BMPR1A: variants seen among roughly 807,000 people sequenced by gnomAD.
BMPR1A encodes bone morphogenetic protein receptor type 1A, also known as bone morphogenetic protein receptor type-1A.
Under a neutral mutation model 66.0 loss-of-function variants are expected in BMPR1A, and 7 were observed. The observed-to-expected ratio is 0.11, with a 90% CI of 0.06 to 0.20. BMPR1A has a LOEUF of 0.20. Ranked by LOEUF, BMPR1A falls within the 10% of genes least tolerant of loss-of-function variation. BMPR1A has a pLI of 1.00. For synonymous variants in BMPR1A, 200 were observed against 229.7 expected, an observed-to-expected ratio of 0.87 and a Z score of 1.17; for missense variants, 408 against 669.1, an observed-to-expected ratio of 0.61 and a Z score of 4.31.
At chr10:86,835,102 G>C (rs923613611) in intron 1 of BMPR1A, among the ~76,000 whole-genome samples, 2 of 152,054 alleles carry the variant, frequency 1.3e-5, no homozygotes, top group East Asian at 3.9e-4. Context: ...TTTGGCTTAG[G>C]GCATGGCCGT....
intron 11 of BMPR1A, among the ~76,000 whole-genome samples, chr10:86,922,954 G>A (rs1396319051): frequency 2.0e-5 from 3 of 152,272 alleles, no homozygotes; most frequent in Non-Finnish European, 2.9e-5. Context: ...TTTCCTAAGG[G>A]AAGGTCTCAG....
At chr10:86,824,146 A>G (rs1039546542) in intron 1 of BMPR1A, among the ~76,000 whole-genome samples, 15 of 106,430 alleles carry the variant, frequency 1.4e-4, no homozygotes, top group African/African-American at 3.5e-4. Flanking sequence ...CGATAATAGA[A>G]TATCTCTGAA....
In BMPR1A at chr10:86,923,960, T is replaced by G. The variant is rs1843706450; in HGVS notation, c.*241T>G. On this transcript the variant is annotated 3_prime_UTR_variant, in exon 13 of 13. Coordinates refer to ENST00000372037, the MANE Select transcript of BMPR1A (RefSeq NM_004329.3). ...TTTTAAATGTGGTTTTTGATGCCTT[T>G]TTTTAAGTGGGTTTTTATGAACTGC... The G allele has an allele frequency of 1.9e-6, 1 of 530,730 alleles. No individual in the cohort carries two copies. The highest frequency in any genetic ancestry group is 1.9e-5 in the African/African-American group (1 of 52,778). 32.9% of individuals were successfully genotyped at this position (530,730 alleles called of 1,614,324 possible). A position where few individuals can be genotyped will look rare whatever the true frequency, so the allele number is the denominator to read the frequency against.
intron 1 of BMPR1A, among the ~76,000 whole-genome samples, chr10:86,757,857 C>T (rs971359404): frequency 3.9e-5 from 6 of 152,194 alleles, no homozygotes; most frequent in African/African-American, 1.4e-4. Flanking sequence ...ACATCGTATT[C>T]TGGCAAACGA....
At chr10:86,888,579 C>A (rs1843101929) in intron 3 of BMPR1A, among the ~76,000 whole-genome samples, 1 of 152,112 alleles carries the variant, frequency 6.6e-6, no homozygotes, top group African/African-American at 2.4e-5. Flanking sequence ...ATATTCCCAG[C>A]ACTTCGGGAG....
intron 1 of BMPR1A, among the ~76,000 whole-genome samples, chr10:86,804,790 G>GTT (rs1491151530): frequency 8.2e-5 from 8 of 97,538 alleles, no homozygotes; most frequent in Middle Eastern, 5.4e-3. Context: ...ATGTTTGTAG[G>GTT]TGTTTTTTTT....
At chr10:86,918,594 A>G (rs981789794) in intron 9 of BMPR1A, among the ~76,000 whole-genome samples, 1 of 151,270 alleles carries the variant, frequency 6.6e-6, no homozygotes, top group Non-Finnish European at 1.5e-5. Flanking sequence ...TTTGTATAAT[A>G]TGTCATCTTT....
At chr10:86,882,085 GGGGAGGGAGT>G (rs1842994945) in intron 3 of BMPR1A, among the ~76,000 whole-genome samples, 1 of 152,020 alleles carries the variant, frequency 6.6e-6, no homozygotes, top group South Asian at 2.1e-4. Flanking sequence ...TATATGAAAG[GGGGAGGGAGT>G]GAAACAAGAA....
chr10:86,763,160 C>G (rs1841098717), intron 1 of BMPR1A, among the ~76,000 whole-genome samples: 1 of 152,122 alleles, frequency 6.6e-6, no homozygotes, highest in Non-Finnish European at 1.5e-5. Context: ...TCCCAAAGTG[C>G]TGGGATTACA....
intron 2 of BMPR1A, among the ~76,000 whole-genome samples, chr10:86,869,663 G>A (rs936778908): frequency 1.1e-4 from 17 of 151,836 alleles, no homozygotes; most frequent in Admixed American, 9.8e-4. Context: ...ATGCTGAGGC[G>A]GGAGAATCGC....
At chr10:86,774,595 G>A (rs1339869811) in intron 1 of BMPR1A, among the ~76,000 whole-genome samples, 3 of 152,138 alleles carry the variant, frequency 2.0e-5, no homozygotes, top group African/African-American at 7.2e-5. Flanking sequence ...TTTGAAGCTG[G>A]CCATAACCCT....
rs1279422576 is a variant in BMPR1A at position 86,816,916 on chromosome 10, T to C, written c.-267-21949T>C. On this transcript the variant is annotated intron_variant, in intron 1 of 12. Coordinates refer to ENST00000372037, the MANE Select transcript of BMPR1A (RefSeq NM_004329.3). ...AGGAATTAACTTGTTAAGGGAAAGATAATAATAATATGAGTCTATGTGCAT... is the reference window on the plus strand; with the variant it reads ...AGGAATTAACTTGTTAAGGGAAAGACAATAATAATATGAGTCTATGTGCAT... Among the ~76,000 whole-genome samples, 5 of 152,302 alleles carry C rather than the reference T, an allele frequency of 3.3e-5. No homozygotes were observed. In the East Asian group the frequency reaches 9.6e-4, roughly 29 times the overall value.
chr10:86,915,590 G>A (rs1387618409), intron 8 of BMPR1A, among the ~76,000 whole-genome samples: 5 of 152,082 alleles, frequency 3.3e-5, no homozygotes, highest in Non-Finnish European at 5.9e-5. Context: ...TTAGCTGGAC[G>A]TGGTGGCAGA....
chr10:86,887,726 A>G lies in BMPR1A; in HGVS notation c.68-2336A>G, dbSNP rs116863757. 3.2e-3 allele frequency among the ~76,000 whole-genome samples: 483 copies of G among 152,274 alleles called. 1 individual carries two copies. Among genetic ancestry groups the G allele is most frequent in the Admixed American group, 5.2e-3 (80 of 15,302 alleles). ...AAAATCAGTTGCTGTGATATATTAT[A>G]TACTGTTTGTTTTCCAGAGCTGAAT... On this transcript the variant is annotated intron_variant, in intron 3 of 12. Coordinates refer to ENST00000372037, the MANE Select transcript of BMPR1A (RefSeq NM_004329.3).
At chr10:86,897,124 T>C (rs1325983683) in intron 5 of BMPR1A, among the ~76,000 whole-genome samples, 1 of 152,240 alleles carries the variant, frequency 6.6e-6, no homozygotes, top group Non-Finnish European at 1.5e-5. Flanking sequence ...TGCCATTCCT[T>C]GTAACTTGGC....
chr10:86,864,212 A>G (rs1359858886), intron 2 of BMPR1A, among the ~76,000 whole-genome samples: 1 of 152,216 alleles, frequency 6.6e-6, no homozygotes, highest in African/African-American at 2.4e-5. Flanking sequence ...AGACAGGCAC[A>G]TGCACACTAG....
At chr10:86,761,308 C>G (rs765504827) in intron 1 of BMPR1A, among the ~76,000 whole-genome samples, 1 of 152,150 alleles carries the variant, frequency 6.6e-6, no homozygotes, top group Non-Finnish European at 1.5e-5. Flanking sequence ...TTTTATATTT[C>G]TGATGAGCCT....
intron 4 of BMPR1A, among the ~76,000 whole-genome samples, 188 bp downstream of exon 4, chr10:86,890,412 C>G (rs1224495721): frequency 6.6e-6 from 1 of 150,994 alleles, no homozygotes; most frequent in Non-Finnish European, 1.5e-5. Context: ...AGGTGAGTTA[C>G]TATATTAGAA....
At chr10:86,850,633 G>C (rs1842553531) in intron 2 of BMPR1A, among the ~76,000 whole-genome samples, 1 of 152,030 alleles carries the variant, frequency 6.6e-6, no homozygotes, top group African/African-American at 2.4e-5. Context: ...AAGTTTTGTT[G>C]TTGTTGTTGT....
Sources: allele counts gnomAD v4.1 joint callset (sites outside exome capture counted in the v4.1 genomes callset), GRCh38; gene constraint gnomAD v4.1.1; transcripts MANE v1.5; gene names NCBI Gene and HGNC (gene_info 2026-07-23, HGNC 2026-07-21).